CRPPA: variants seen among roughly 807,000 people sequenced by gnomAD.
CRPPA encodes D-ribitol-5-phosphate cytidylyltransferase.
CRPPA carries 43 observed loss-of-function variants against 52.0 expected under a neutral mutation model. That is an observed-to-expected ratio of 0.83 (90% CI 0.65 to 1.07). CRPPA has a LOEUF of 1.07. Among genes scored for constraint, CRPPA ranks in the 50% least tolerant of loss-of-function variants. The pLI, the probability that CRPPA is intolerant of heterozygous loss-of-function variation, is 0.00. For synonymous variants in CRPPA, 250 were observed against 203.5 expected, an observed-to-expected ratio of 1.23 and a Z score of -1.94; for missense variants, 629 against 551.7, an observed-to-expected ratio of 1.14 and a Z score of -1.40.
chr7:16,215,303 A>G (rs1782273784), intron 9 of CRPPA, among the ~76,000 whole-genome samples: 1 of 152,238 alleles, frequency 6.6e-6, no homozygotes, highest in African/African-American at 2.4e-5. Flanking sequence ...GAAACTCTAA[A>G]GTAGTCACAA....
Position 16,360,464 on chromosome 7 carries a change from G to C in CRPPA, c.684+15628C>G, listed in dbSNP as rs1583547562. 4.6e-5 allele frequency among the ~76,000 whole-genome samples: 7 copies of C among 152,248 alleles called. No homozygotes were observed. In the South Asian group the frequency reaches 1.5e-3, roughly 32 times the overall value. ...GGTCTTATACTTCCTCATTTCAAAT[G>C]TTACTATAAAATCACACTAATCGAA... On this transcript the variant is annotated intron_variant, in intron 3 of 9. Coordinates refer to ENST00000407010, the MANE Select transcript of CRPPA (RefSeq NM_001101426.4).
chr7:16,143,018 G>T (rs1043809745), intron 9 of CRPPA, among the ~76,000 whole-genome samples: 1 of 152,158 alleles, frequency 6.6e-6, no homozygotes, highest in Non-Finnish European at 1.5e-5. Context: ...GCTCACAGTT[G>T]ACAATGTTGG....
At chr7:16,105,058 A>T (rs1037038303) in intron 9 of CRPPA, among the ~76,000 whole-genome samples, 5 of 152,200 alleles carry the variant, frequency 3.3e-5, no homozygotes, top group Non-Finnish European at 7.3e-5. Flanking sequence ...GCATTAATTT[A>T]AAATATAAGG....
intron 9 of CRPPA, among the ~76,000 whole-genome samples, chr7:16,169,530 T>C (rs1210134583): frequency 6.6e-6 from 1 of 152,226 alleles, no homozygotes; most frequent in Non-Finnish European, 1.5e-5. Context: ...TAAGTATTCA[T>C]AGGAGAATGC....
At chr7:16,361,668 G>A (rs1304907540) in intron 3 of CRPPA, among the ~76,000 whole-genome samples, 2 of 152,170 alleles carry the variant, frequency 1.3e-5, no homozygotes, top group Non-Finnish European at 2.9e-5. Flanking sequence ...GTAAAATGGG[G>A]ATTGCCACGA....
intron 2 of CRPPA, among the ~76,000 whole-genome samples, chr7:16,387,060 T>C (rs1025401833): frequency 7.2e-5 from 6 of 82,942 alleles, no homozygotes; most frequent in African/African-American, 1.9e-4. Flanking sequence ...TATATATATA[T>C]ATATATATAT....
At chr7:16,221,386 C>T (rs564257646) in intron 8 of CRPPA, among the ~76,000 whole-genome samples, 3,379 of 152,216 alleles carry the variant, frequency 0.022, 134 homozygotes, top group African/African-American at 0.076. Flanking sequence ...TAGGCATGGG[C>T]AAGGACTTCA....
intron 6 of CRPPA, among the ~76,000 whole-genome samples, chr7:16,259,838 A>AAACTCTGT (rs1343703070): frequency 2.0e-5 from 3 of 151,976 alleles, no homozygotes; most frequent in Non-Finnish European, 4.4e-5. Flanking sequence ...GTGAAACATC[A>AAACTCTGT]AACTCTGTAA....
At chr7:16,419,871 T>G (rs1788285240) in intron 1 of CRPPA, among the ~76,000 whole-genome samples, 1 of 152,176 alleles carries the variant, frequency 6.6e-6, no homozygotes, top group Non-Finnish European at 1.5e-5. Context: ...GTAATAATTT[T>G]TTGAGTAATA....
chr7:16,303,825 A>G (rs1292912146), intron 4 of CRPPA, among the ~76,000 whole-genome samples: 1 of 152,204 alleles, frequency 6.6e-6, no homozygotes, highest in African/African-American at 2.4e-5. Flanking sequence ...CAGATGCTGA[A>G]ATACTTGGAC....
intron 6 of CRPPA, among the ~76,000 whole-genome samples, chr7:16,276,426 C>A (rs971440118): frequency 6.6e-6 from 1 of 152,116 alleles, no homozygotes; most frequent in Non-Finnish European, 1.5e-5. Flanking sequence ...GACTAAATCA[C>A]TTATAAGACA....
At chr7:16,285,787 C>A (rs1784413436) in intron 5 of CRPPA, among the ~76,000 whole-genome samples, 1 of 151,332 alleles carries the variant, frequency 6.6e-6, no homozygotes, top group Admixed American at 6.6e-5. Context: ...CTTTGGGAAG[C>A]TGAGGTAGGT....
intron 5 of CRPPA, among the ~76,000 whole-genome samples, chr7:16,289,578 A>C (rs1784518634): frequency 1.3e-5 from 2 of 152,230 alleles, no homozygotes; most frequent in South Asian, 4.1e-4. Flanking sequence ...AAGGCCAAAA[A>C]CCATATGATC....
intron 9 of CRPPA, among the ~76,000 whole-genome samples, chr7:16,205,677 G>C (rs1781958649): frequency 6.6e-6 from 1 of 152,056 alleles, no homozygotes. Context: ...GAACTGGGAA[G>C]TGAGTAACTA....
intron 3 of CRPPA, among the ~76,000 whole-genome samples, chr7:16,334,808 C>A (rs1785638894): frequency 6.6e-6 from 1 of 152,068 alleles, no homozygotes; most frequent in Non-Finnish European, 1.5e-5. Context: ...CATCAGTGGC[C>A]CCATCCAAAT....
chr7:16,266,646 T>C (rs1019777144), intron 6 of CRPPA, among the ~76,000 whole-genome samples: 1 of 151,914 alleles, frequency 6.6e-6, no homozygotes, highest in Non-Finnish European at 1.5e-5. Context: ...GCCTGACTAA[T>C]TTTTGTATTT....
At chr7:16,388,573 T>C (rs962614069) in intron 2 of CRPPA, among the ~76,000 whole-genome samples, 1 of 152,176 alleles carries the variant, frequency 6.6e-6, no homozygotes, top group Non-Finnish European at 1.5e-5. Context: ...AATATGGTTC[T>C]CTTATAAAAT....
chr7:16,367,243 CT>C (rs1786622624), intron 3 of CRPPA, among the ~76,000 whole-genome samples: 1 of 152,124 alleles, frequency 6.6e-6, no homozygotes. Flanking sequence ...ACTGTGCCCC[CT>C]ATCCTAAAAC....
chr7:16,410,921 A>T (rs1368045585), intron 1 of CRPPA, among the ~76,000 whole-genome samples: 1 of 152,186 alleles, frequency 6.6e-6, no homozygotes, highest in Non-Finnish European at 1.5e-5. Flanking sequence ...GCCATTCTGC[A>T]TACAACATCC....
Sources: gnomAD v4.1 joint callset for allele counts (sites outside exome capture counted in the v4.1 genomes callset) on GRCh38, gnomAD v4.1.1 for gene constraint, MANE v1.5 for transcripts, NCBI Gene and HGNC (gene_info 2026-07-23, HGNC 2026-07-21) for gene names.